The following WIPF1 variants were observed in gnomAD, a reference collection of about 807,000 sequenced individuals.
WIPF1 encodes WAS/WASL-interacting protein family member 1.
Under a neutral mutation model 35.4 loss-of-function variants are expected in WIPF1, and 13 were observed. The observed-to-expected ratio is 0.37, with a 90% CI of 0.24 to 0.58. The LOEUF is 0.58. Ranked by LOEUF, WIPF1 falls within the 20% of genes least tolerant of loss-of-function variation. WIPF1 has a pLI of 0.74. For synonymous variants in WIPF1, 267 were observed against 266.3 expected, an observed-to-expected ratio of 1.00 and a Z score of -0.02; for missense variants, 591 against 667.0, an observed-to-expected ratio of 0.89 and a Z score of 1.25.
At chr2:174,567,549 G>A (rs932566855) in intron 6 of WIPF1, among the ~76,000 whole-genome samples, 1 of 152,190 alleles carries the variant, frequency 6.6e-6, no homozygotes, top group Admixed American at 6.5e-5. Context: ...GTTTAGAAAT[G>A]TACATAATAA....
chr2:174,647,849 A>T (rs528602290), intron 1 of WIPF1, among the ~76,000 whole-genome samples: 1 of 152,354 alleles, frequency 6.6e-6, no homozygotes, highest in African/African-American at 2.4e-5. Flanking sequence ...CATAAAGCAT[A>T]AAACCTTTAA....
In WIPF1 at chr2:174,571,708, G is replaced by A. The variant is rs1284042580; in HGVS notation, c.1097C>T (p.Pro366Leu). The A allele has an allele frequency of 6.2e-7, 1 of 1,614,168 alleles. No homozygotes were observed. Among genetic ancestry groups the A allele is most frequent in the South Asian group, 1.1e-5 (1 of 91,086 alleles). Residue 366 changes from proline (P) to leucine (L), a missense_variant, in exon 5 of 8, where the codon CCA (proline) becomes CTA (leucine). By Grantham distance (98) the Pro-to-Leu change is moderately conservative (BLOSUM62 -3). This residue lies in a region of WIPF1 where 471 missense variants were observed against 501.1 expected (regional missense o/e 0.94). Transcript: ENST00000679041. The surrounding 1 kb of genome is among the most constrained non-coding windows in gnomAD (Gnocchi z 4.6). ...PLPPPPSERPPPPVRDPPGRS... is the reference protein window; with the variant it reads ...PLPPPPSERPLPPVRDPPGRS... ...GCCTGGCGGGTCCCTCACTGGAGGTGGGGGTCTCTCACTGGGCGGGGGAGG... is the reference window on the plus strand; with the variant it reads ...GCCTGGCGGGTCCCTCACTGGAGGTAGGGGTCTCTCACTGGGCGGGGGAGG...
chr2:174,585,923 C>T (rs1685404438), intron 1 of WIPF1, among the ~76,000 whole-genome samples: 1 of 152,170 alleles, frequency 6.6e-6, no homozygotes, highest in Non-Finnish European at 1.5e-5. Flanking sequence ...CACACAACTG[C>T]TAGGATGTAT....
In WIPF1 at chr2:174,559,984, GAAAT is replaced by G. The variant is rs1684443023; in HGVS notation, c.*2559_*2562del. On this transcript the variant is annotated 3_prime_UTR_variant, in exon 8 of 8. Transcript: ENST00000679041. ...GCTTTTACTAAATAAAATGCATAGT[GAAAT>G]AAATACTGAACACTGAGTTTTAATA... The G allele has an allele frequency of 6.6e-6, 1 of 152,508 alleles. No homozygotes were observed. The highest frequency in any genetic ancestry group is 1.5e-5 in the Non-Finnish European group (1 of 67,998). The allele number at this position is 152,508 out of a possible 1,614,324, so 9.4% of individuals were successfully genotyped here.
chr2:174,624,225 A>G (rs1180971871), intron 1 of WIPF1, among the ~76,000 whole-genome samples: 1 of 152,212 alleles, frequency 6.6e-6, no homozygotes, highest in East Asian at 1.9e-4. Context: ...CCATGGTTAG[A>G]TGTAATAACC....
At chr2:174,664,496 A>T (rs538491088) in intron 1 of WIPF1, among the ~76,000 whole-genome samples, 53 of 152,350 alleles carry the variant, frequency 3.5e-4, no homozygotes, top group African/African-American at 1.3e-3. Context: ...TTTAAGCCTG[A>T]ATCACACCAT....
chr2:174,654,699 GT>G (rs561825171), intron 1 of WIPF1, among the ~76,000 whole-genome samples: 1 of 151,184 alleles, frequency 6.6e-6, no homozygotes, highest in South Asian at 2.1e-4. Context: ...GACTAGTTTG[GT>G]TTTTTTCCCT....
At position 174,560,877 on chromosome 2, in the gene WIPF1, T is replaced by A. The variant is rs2105781641; in HGVS notation, c.*1670A>T. The stretch of plus-strand genomic sequence containing the variant: ...AAATAGAAATGTATTTTTCAGAATT[T>A]TCTTTGGGTTGGTTTCTTGGTAGCA... On this transcript the variant is annotated 3_prime_UTR_variant, in exon 8 of 8. Coordinates refer to ENST00000679041, the MANE Select transcript of WIPF1 (RefSeq NM_001375834.1). The A allele has an allele frequency of 6.5e-6, 1 of 152,752 alleles. No homozygotes were observed. Among genetic ancestry groups the A allele is most frequent in the South Asian group, 2.1e-4 (1 of 4,830 alleles). The allele number at this position is 152,752 out of a possible 1,614,324, so 9.5% of individuals were successfully genotyped here.
At chr2:174,656,375 CT>C (rs1687641164) in intron 1 of WIPF1, 1 of 152,214 alleles carries the variant, frequency 6.6e-6, no homozygotes, top group Non-Finnish European at 1.5e-5. Context: ...TGAAGAATTA[CT>C]TCACAGAATA....
intron 2 of WIPF1, among the ~76,000 whole-genome samples, chr2:174,584,493 G>T (rs1685338483): frequency 6.6e-6 from 1 of 152,204 alleles, no homozygotes; most frequent in South Asian, 2.1e-4. Flanking sequence ...CCTCCTCAGT[G>T]AAGGCTTCAC....
At chr2:174,664,796 C>T (rs1013034403) in intron 1 of WIPF1, among the ~76,000 whole-genome samples, 6 of 152,150 alleles carry the variant, frequency 3.9e-5, no homozygotes, top group Admixed American at 2.0e-4. Context: ...CTTCCTTTTT[C>T]TCATTTTTAA....
chr2:174,668,375 T>C (rs201830997), intron 1 of WIPF1, among the ~76,000 whole-genome samples: 5 of 152,186 alleles, frequency 3.3e-5, no homozygotes, highest in Admixed American at 2.6e-4. Flanking sequence ...CCTGCTCTAA[T>C]GCTCTGGGAT....
intron 1 of WIPF1, among the ~76,000 whole-genome samples, chr2:174,674,892 G>A (rs1318415489): frequency 2.1e-5 from 3 of 141,292 alleles, no homozygotes; most frequent in Non-Finnish European, 4.5e-5. Context: ...CTGTAAGTTG[G>A]CAGGTTCAAA....
At chr2:174,618,619 T>C (rs554489604) in intron 1 of WIPF1, among the ~76,000 whole-genome samples, 1 of 152,332 alleles carries the variant, frequency 6.6e-6, no homozygotes, top group South Asian at 2.1e-4. Flanking sequence ...TTATAAGTAT[T>C]ATCAACTCAT....
intron 1 of WIPF1, among the ~76,000 whole-genome samples, chr2:174,636,941 G>T (rs1687197355): frequency 6.6e-6 from 1 of 152,154 alleles, no homozygotes; most frequent in Admixed American, 6.5e-5. Flanking sequence ...CCACTGTAAA[G>T]TTGCTCCCTG....
At chr2:174,623,183 G>A (rs181853243) in intron 1 of WIPF1, among the ~76,000 whole-genome samples, 1 of 152,268 alleles carries the variant, frequency 6.6e-6, no homozygotes, top group Admixed American at 6.5e-5. Context: ...GTGTGTATTA[G>A]TTAGTCTATT....
rs1167761860 is a variant in WIPF1, at chr2:174,622,143, T to C, written c.-38-36532A>G. ...ATACCCTGACAGCAACCTGACTGAA[T>C]TTAGAGCCATGAATTTGTTATCTCT... On this transcript the variant is annotated intron_variant, in intron 1 of 8. Transcript: ENST00000272746. This position sits in a 1 kb window ranked among gnomAD's most constrained non-coding sequence, Gnocchi z 5.1. Among the ~76,000 whole-genome samples, 1 of 152,184 alleles carries C rather than the reference T, an allele frequency of 6.6e-6. No homozygotes were observed. Among genetic ancestry groups the C allele is most frequent in the South Asian group, 2.1e-4 (1 of 4,826 alleles).
chr2:174,562,657 C>T (rs1200841788), intron 7 of WIPF1, 55 bp from the exon 8 acceptor site: 10 of 1,599,862 alleles, frequency 6.3e-6, no homozygotes, highest in Middle Eastern at 1.7e-4. Flanking sequence ...ATGTTCTCAT[C>T]GTGGAAACTC....
At chr2:174,679,971 T>C (rs1366598779) in intron 1 of WIPF1, among the ~76,000 whole-genome samples, 2 of 152,234 alleles carry the variant, frequency 1.3e-5, no homozygotes, top group Admixed American at 1.3e-4. Flanking sequence ...TGCTGATTAA[T>C]CTTTCGATGC....
Sources: gnomAD v4.1 joint callset for allele counts (sites outside exome capture counted in the v4.1 genomes callset) on GRCh38, gnomAD v4.1.1 for gene constraint, gnomAD v4.1.1 regional missense constraint, Gnocchi (gnomAD v3.1) non-coding constraint, MANE v1.5 for transcripts, NCBI Gene and HGNC (gene_info 2026-07-23, HGNC 2026-07-21) for gene names.